Variants in CASC3 observed in about 807,000 individuals in gnomAD.
CASC3 encodes the protein protein CASC3.
Under a neutral mutation model 80.5 loss-of-function variants are expected in CASC3, and 30 were observed. That is an observed-to-expected ratio of 0.37 (90% confidence interval 0.28 to 0.51). The LOEUF (loss-of-function observed/expected upper bound fraction) is 0.51. CASC3 is among the 20% of genes least tolerant of loss of function. CASC3 has a pLI of 0.94. For synonymous variants in CASC3, 312 were observed against 333.6 expected, an observed-to-expected ratio of 0.94 and a Z score of 0.70; for missense variants, 824 against 922.2, an observed-to-expected ratio of 0.89 and a Z score of 1.38.
At chr17:40,150,607 T>A (rs1168771681) in intron 3 of CASC3, among the ~76,000 whole-genome samples, 3 of 152,086 alleles carry the variant, frequency 2.0e-5, no homozygotes, top group Non-Finnish European at 4.4e-5. Flanking sequence ...AAAGTGAATG[T>A]GAGAAAGGAC....
intron 3 of CASC3, among the ~76,000 whole-genome samples, chr17:40,142,598 T>C (rs1445443280): frequency 1.3e-5 from 2 of 151,754 alleles, no homozygotes; most frequent in African/African-American, 4.8e-5. Context: ...ATGGTGAAAC[T>C]CCATCTCTGG....
intron 3 of CASC3, among the ~76,000 whole-genome samples, chr17:40,147,223 A>G (rs1484453698): frequency 1.3e-5 from 2 of 152,204 alleles, no homozygotes; most frequent in Non-Finnish European, 2.9e-5. Context: ...TCCAAGGAGC[A>G]TGACGATGGT....
Position 40,151,694 on chromosome 17 carries a change from C to CAAA in CASC3, c.298-10041_298-10039dup, listed in dbSNP as rs1010260103. Among the ~76,000 whole-genome samples, 163 of 53,044 alleles carry CAAA rather than the reference C, an allele frequency of 3.1e-3. 3 individuals carry two copies. The highest frequency in any genetic ancestry group is 9.4e-3 in the African/African-American group (148 of 15,784). 34.8% of individuals were successfully genotyped at this position (53,044 alleles called of 152,430 possible). ...GAGTAACAGAGTGAGACCTTCATCT[C>CAAA]AAAAAAAAAAAAAAAAAAAAGGAAG... is the stretch of plus-strand genomic sequence containing the variant. On this transcript the variant is annotated intron_variant, in intron 3 of 13. Transcript: ENST00000264645.
chr17:40,165,051 G>C (rs1281087694), intron 7 of CASC3, among the ~76,000 whole-genome samples: 2 of 150,886 alleles, frequency 1.3e-5, no homozygotes, highest in Non-Finnish European at 2.9e-5. Context: ...CTCCTGAATA[G>C]CTGGGACTAC....
intron 3 of CASC3, among the ~76,000 whole-genome samples, chr17:40,152,943 A>C (rs945915205): frequency 6.6e-6 from 1 of 150,830 alleles, no homozygotes. Flanking sequence ...CGCCCGGCTA[A>C]TTTTTTTATT....
intron 6 of CASC3, among the ~76,000 whole-genome samples, 158 bp from the exon 7 acceptor site, chr17:40,163,323 T>G (rs1364836920): frequency 6.6e-6 from 1 of 152,042 alleles, no homozygotes; most frequent in Non-Finnish European, 1.5e-5. Flanking sequence ...TTAGTAGAAA[T>G]GAGGTTTCGC....
chr17:40,167,987 G>A, intron 10 of CASC3, 39 bp downstream of exon 10: 6 of 1,571,356 alleles, frequency 3.8e-6, no homozygotes, highest in Non-Finnish European at 5.3e-6. Flanking sequence ...TCCAGTACCT[G>A]AGGATATATG....
Position 40,163,098 on chromosome 17 carries a change from C to T in CASC3, c.785+197C>T, listed in dbSNP as rs183919923. 6.7e-5 allele frequency among the ~76,000 whole-genome samples: 10 copies of T among 150,034 alleles called. No homozygotes were observed. In the East Asian group the frequency reaches 2.0e-3, roughly 29 times the overall value. Reference sequence around the variant, plus strand: ...AAGGAAAAAAAAAATAGAGTGTAGACTCTTGATATCTTTTAGAAAGAATTC... The same window carrying T: ...AAGGAAAAAAAAAATAGAGTGTAGATTCTTGATATCTTTTAGAAAGAATTC... On this transcript the variant is annotated intron_variant, in intron 6 of 13. Coordinates refer to ENST00000264645, the MANE Select transcript of CASC3 (RefSeq NM_007359.5).
In CASC3 at chr17:40,169,842, A is replaced by G. The variant is rs565073108; in HGVS notation, c.*41+180A>G. On this transcript the variant is annotated intron_variant, in intron 13 of 13. Coordinates refer to ENST00000264645, the MANE Select transcript of CASC3 (RefSeq NM_007359.5). Reference sequence around the variant, plus strand: ...GCAATCTCGGCTCACTGCAACCTCCATCTCCTGAGTTCAAGCGATTCTCTT... The same window carrying G: ...GCAATCTCGGCTCACTGCAACCTCCGTCTCCTGAGTTCAAGCGATTCTCTT... 2.3e-5 allele frequency among the ~76,000 whole-genome samples: 3 copies of G among 130,634 alleles called. No homozygotes were observed. The Admixed American group carries it at 3.1e-4, about 13-fold the overall frequency. The allele number at this position is 130,634 out of a possible 152,430, so 85.7% of individuals were successfully genotyped here. A position where few individuals can be genotyped will look rare whatever the true frequency, so the allele number is the denominator to read the frequency against.
Position 40,171,446 on chromosome 17 carries a change from C to G in CASC3, c.*1041C>G. On this transcript the variant is annotated 3_prime_UTR_variant, in exon 14 of 14. Coordinates refer to ENST00000264645, the MANE Select transcript of CASC3 (RefSeq NM_007359.5). ...GCATCTCTTTAAAGGCAAATATTAT[C>G]CAGCAAGCAGTCTACCCTGTCCTTT... The G allele has an allele frequency of 1.0e-6, 1 of 986,206 alleles. No homozygotes were observed. The highest frequency in any genetic ancestry group is 1.2e-6 in the Non-Finnish European group (1 of 830,104). 61.1% of individuals were successfully genotyped at this position (986,206 alleles called of 1,614,324 possible). A position where few individuals can be genotyped will look rare whatever the true frequency, so the allele number is the denominator to read the frequency against.
At chr17:40,147,346 G>A (rs1474430429) in intron 3 of CASC3, among the ~76,000 whole-genome samples, 2 of 152,084 alleles carry the variant, frequency 1.3e-5, no homozygotes, top group Non-Finnish European at 2.9e-5. Context: ...CTAAATTAAG[G>A]AGTCAAAGGA....
intron 7 of CASC3, among the ~76,000 whole-genome samples, chr17:40,165,778 T>TA (rs1989434919): frequency 6.6e-6 from 1 of 150,736 alleles, no homozygotes. Flanking sequence ...TTTTTTTTTT[T>TA]AGATGGGTCC....
chr17:40,162,578 G>C, intron 5 of CASC3, 147 bp from the exon 6 acceptor site: 2 of 692,338 alleles, frequency 2.9e-6, no homozygotes, highest in Non-Finnish European at 4.7e-6. Context: ...GCTTTGGGGA[G>C]GCCTGTTTTT....
Position 40,171,576 on chromosome 17 carries a change from C to A in CASC3, c.*1171C>A, listed in dbSNP as rs1449359811. On this transcript the variant is annotated 3_prime_UTR_variant, in exon 14 of 14. Coordinates refer to ENST00000264645, the MANE Select transcript of CASC3 (RefSeq NM_007359.5). ...TCCTTGCAGACAGAATATAAAAACT[C>A]CTGGGCTTAAGGCCTAAGGAAGCCA... 1 of 990,232 alleles carries A rather than the reference C, an allele frequency of 1.0e-6. No individual in the cohort carries two copies. The highest frequency in any genetic ancestry group is 1.7e-5 in the African/African-American group (1 of 57,278). The allele number at this position is 990,232 out of a possible 1,614,324, so 61.3% of individuals were successfully genotyped here.
At position 40,167,567 on chromosome 17, in the gene CASC3, C is replaced by G; in HGVS notation, c.1606C>G (p.Pro536Ala). 3 of 1,614,054 alleles carry G rather than the reference C, an allele frequency of 1.9e-6. No individual in the cohort carries two copies. In the South Asian group the frequency reaches 3.3e-5, roughly 18 times the overall value. ...RQRPVPEPPA[P>A]PVHISIMEGH... ...AAGACCTGTGCCAGAGCCCCCCGCC[C>G]CTCCAGTGCATATCAGTATCATGGA... Residue 536 changes from proline (P) to alanine (A), a missense_variant, in exon 9 of 14, where the codon CCT becomes GCT. Pro to Ala is a conservative substitution (Grantham distance 27, BLOSUM62 -1). Transcript: ENST00000264645.
At position 40,170,724 on chromosome 17, in the gene CASC3, A is replaced by G. The variant is rs1989572275; in HGVS notation, c.*319A>G. ...AAGCCCATGTCTTCTGCTGTTCTTC[A>G]CTTCTGGGAAATTGAAGTGTCTTCT... On this transcript the variant is annotated 3_prime_UTR_variant, in exon 14 of 14. Transcript: ENST00000264645. 4 of 985,228 alleles carry G rather than the reference A, an allele frequency of 4.1e-6. No homozygotes were observed. In the Admixed American group the frequency reaches 2.5e-4, roughly 61 times the overall value. The allele number at this position is 985,228 out of a possible 1,614,324, so 61.0% of individuals were successfully genotyped here.
At chr17:40,148,027 CTTA>C (rs555656520) in intron 3 of CASC3, among the ~76,000 whole-genome samples, 87 of 152,114 alleles carry the variant, frequency 5.7e-4, no homozygotes, top group Admixed American at 1.2e-3. Context: ...ATTATTTTTT[CTTA>C]TTATAACTTT....
Position 40,162,761 on chromosome 17 carries a change from G to A in CASC3, c.645G>A (p.Glu215=), listed in dbSNP as rs776443440. 2.5e-6 allele frequency: 4 copies of A among 1,613,900 alleles called. No individual in the cohort carries two copies. Among genetic ancestry groups the A allele is most frequent in the Non-Finnish European group, 3.4e-6 (4 of 1,180,016 alleles). The change falls in exon 6 of 14, where the codon GAG becomes GAA. Residue 215 remains glutamate, a synonymous_variant. Transcript: ENST00000264645. ...GTCAGCGAAAGCTATGGAAGGATGA[G>A]GGTCGCTGGGAGCATGACAAGTTCC... ...KGRQRKLWKD[E]GRWEHDKFRE... is the part of the protein sequence containing the mutation.
chr17:40,165,512 T>C (rs377102670), intron 7 of CASC3, among the ~76,000 whole-genome samples: 3 of 152,136 alleles, frequency 2.0e-5, no homozygotes, highest in South Asian at 2.1e-4. Flanking sequence ...TTGAGCCTCC[T>C]GAGTACAGGA....
Sources: gnomAD v4.1 joint callset for allele counts (sites outside exome capture counted in the v4.1 genomes callset) on GRCh38, gnomAD v4.1.1 for gene constraint, MANE v1.5 for transcripts, NCBI Gene and HGNC (gene_info 2026-07-23, HGNC 2026-07-21) for gene names.